NIPA1: variants seen among roughly 807,000 people sequenced by gnomAD.
The protein encoded by NIPA1 is magnesium transporter NIPA1.
In NIPA1, 13 loss-of-function variants were observed where a neutral mutation model predicts 23.9. The observed-to-expected ratio is 0.54, with a 90% CI of 0.35 to 0.87. The LOEUF is 0.87. NIPA1 is among the 40% of genes least tolerant of loss of function. NIPA1 has a pLI of 0.01. For missense variants in NIPA1, 362 were observed against 429.7 expected (o/e 0.84, Z 1.39); for synonymous variants, 234 against 202.9 (o/e 1.15, Z -1.30).
At position 22,793,433 on chromosome 15, in the gene NIPA1, T is replaced by G. The variant is rs1198706182; in HGVS notation, c.178+6599T>G. Among the ~76,000 whole-genome samples, 6 of 151,086 alleles carry G rather than the reference T, an allele frequency of 4.0e-5. No individual in the cohort carries two copies. The South Asian group carries it at 1.3e-3, about 32-fold the overall frequency. ...GTCATTCTGCCCTGCTGTCAAACAT[T>G]AGAGCTTCTTTTTTTTTATTTTTTT... is the stretch of plus-strand genomic sequence containing the variant. On this transcript the variant is annotated intron_variant, in intron 1 of 4. Coordinates refer to ENST00000337435, the MANE Select transcript of NIPA1 (RefSeq NM_144599.5).
At chr15:22,788,849 G>C (rs1894767132) in intron 1 of NIPA1, among the ~76,000 whole-genome samples, 1 of 143,316 alleles carries the variant, frequency 7.0e-6, no homozygotes, top group South Asian at 2.3e-4. Flanking sequence ...AACCCAGGAG[G>C]GGGAGGTTGC....
At chr15:22,812,078 G>A in intron 2 of NIPA1, 85 bp from the exon 3 acceptor site, 1 of 1,027,816 alleles carries the variant, frequency 9.7e-7, no homozygotes. Context: ...CCCTTTCAGG[G>A]CAGAGCCTAG....
chr15:22,811,169 C>A, intron 2 of NIPA1: 2 of 273,460 alleles, frequency 7.3e-6, no homozygotes, highest in Non-Finnish European at 7.1e-6. Flanking sequence ...TGTTAGGCTG[C>A]CTTGTTTTTC....
intron 4 of NIPA1, among the ~76,000 whole-genome samples, 165 bp downstream of exon 4, chr15:22,820,638 T>C (rs1169828946): frequency 6.6e-6 from 1 of 152,218 alleles, no homozygotes; most frequent in Non-Finnish European, 1.5e-5. Flanking sequence ...ATCAGTGGGC[T>C]GTGCTCGCAG....
At chr15:22,793,037 G>A (rs1894864589) in intron 1 of NIPA1, among the ~76,000 whole-genome samples, 1 of 151,952 alleles carries the variant, frequency 6.6e-6, no homozygotes, top group South Asian at 2.1e-4. Flanking sequence ...CTCCAGCCTG[G>A]GCAACGGAGT....
intron 1 of NIPA1, among the ~76,000 whole-genome samples, chr15:22,793,595 C>A (rs1894881206): frequency 6.6e-6 from 1 of 151,794 alleles, no homozygotes; most frequent in Admixed American, 6.6e-5. Flanking sequence ...TGTCCGCCAC[C>A]ATGCCCGGCT....
At position 22,827,351 on chromosome 15, in the gene NIPA1, C is replaced by T. The variant is rs1411118451; in HGVS notation, c.*3112C>T. 6.6e-6 allele frequency: 1 copy of T among 152,188 alleles called. No homozygotes were observed. The highest frequency in any genetic ancestry group is 1.5e-5 in the Non-Finnish European group (1 of 68,044). The allele number at this position is 152,188 out of a possible 1,614,324, so 9.4% of individuals were successfully genotyped here. Reference sequence around the variant, plus strand: ...CCTAACCCAGCACCACAAAGCCCCCCTGGAGCATCTTCCCGGCTGGCAGGA... The same window carrying T: ...CCTAACCCAGCACCACAAAGCCCCCTTGGAGCATCTTCCCGGCTGGCAGGA... On this transcript the variant is annotated 3_prime_UTR_variant, in exon 5 of 5. Coordinates refer to ENST00000337435, the MANE Select transcript of NIPA1 (RefSeq NM_144599.5).
chr15:22,828,308 A>C lies in NIPA1; in HGVS notation c.*4069A>C, dbSNP rs1230863060. ...TTCTGTTAATGTGAGTTGGAAAGAA[A>C]AGACCAATTTGTACACCAGTCACAC... is the stretch of plus-strand genomic sequence containing the variant. On this transcript the variant is annotated 3_prime_UTR_variant, in exon 5 of 5. Coordinates refer to ENST00000337435, the MANE Select transcript of NIPA1 (RefSeq NM_144599.5). 1 of 152,586 alleles carries C rather than the reference A, an allele frequency of 6.6e-6. No individual in the cohort carries two copies. The highest frequency in any genetic ancestry group is 1.5e-5 in the Non-Finnish European group (1 of 68,020). The allele number at this position is 152,586 out of a possible 1,614,324, so 9.5% of individuals were successfully genotyped here.
chr15:22,813,422 T>C (rs1008901930), intron 3 of NIPA1, among the ~76,000 whole-genome samples: 1 of 152,202 alleles, frequency 6.6e-6, no homozygotes, highest in Non-Finnish European at 1.5e-5. Flanking sequence ...ACTGGAGGGC[T>C]GCAAGCCATC....
intron 3 of NIPA1, among the ~76,000 whole-genome samples, chr15:22,812,812 C>T (rs937736161): frequency 1.3e-5 from 2 of 152,162 alleles, no homozygotes; most frequent in African/African-American, 4.8e-5. Context: ...CTGATGCTCT[C>T]ATTCTCCTGG....
chr15:22,812,202 C>A lies in NIPA1; in HGVS notation c.266C>A (p.Ala89Glu). 6.2e-7 allele frequency: 1 copy of A among 1,613,700 alleles called. No homozygotes were observed. The change falls in exon 3 of 5, where the codon GCG becomes GAG. Residue 89 changes from alanine (A) to glutamate (E), a missense_variant. Transcript: ENST00000337435. ...ATTGGAAACTTCCTGGCTTACACGG[C>A]GGTCCCCACGGTCCTGGTAACCCCC... ...GQIGNFLAYT[A>E]VPTVLVTPLG...
intron 1 of NIPA1, among the ~76,000 whole-genome samples, chr15:22,794,684 T>C (rs7174119): frequency 0.69 from 105,402 of 151,798 alleles, 37,236 homozygotes; most frequent in East Asian, 0.91. Flanking sequence ...CTTCCACACT[T>C]GCACTGGCTC....
At chr15:22,798,690 T>C (rs1295843005) in intron 1 of NIPA1, among the ~76,000 whole-genome samples, 2 of 149,668 alleles carry the variant, frequency 1.3e-5, no homozygotes, top group Non-Finnish European at 3.0e-5. Flanking sequence ...CTACTAAAAA[T>C]ACAAAAAATT....
At chr15:22,822,166 A>G (rs182648039) in intron 4 of NIPA1, among the ~76,000 whole-genome samples, 5 of 152,326 alleles carry the variant, frequency 3.3e-5, no homozygotes, top group East Asian at 3.9e-4. Context: ...TCAAAGAACA[A>G]TCCTCCCTCA....
chr15:22,821,404 A>T (rs548240097), intron 4 of NIPA1, among the ~76,000 whole-genome samples: 7 of 152,320 alleles, frequency 4.6e-5, no homozygotes, highest in South Asian at 2.1e-4. Flanking sequence ...AACTGCCTCC[A>T]CATCAGTTTG....
At chr15:22,817,350 T>G (rs1232650298) in intron 3 of NIPA1, among the ~76,000 whole-genome samples, 1 of 142,930 alleles carries the variant, frequency 7.0e-6, no homozygotes. Flanking sequence ...AAATACAAAA[T>G]TAGCCAAGCA....
At chr15:22,805,779 C>T (rs1488581183) in intron 1 of NIPA1, among the ~76,000 whole-genome samples, 2 of 152,188 alleles carry the variant, frequency 1.3e-5, no homozygotes, top group Non-Finnish European at 2.9e-5. Flanking sequence ...TCTTGCTTGG[C>T]TTTTATCAGC....
In NIPA1 at chr15:22,824,338, A is replaced by G; in HGVS notation, c.*99A>G. On this transcript the variant is annotated 3_prime_UTR_variant, in exon 5 of 5. Coordinates refer to ENST00000337435, the MANE Select transcript of NIPA1 (RefSeq NM_144599.5). This position sits in a 1 kb window ranked among gnomAD's most constrained non-coding sequence, Gnocchi z 4.1. ...AGAAGAGGTCCTCGATCATGGTGTTAGAATTGACTGGATAGTAACAGGTGG... is the reference window on the plus strand; with the variant it reads ...AGAAGAGGTCCTCGATCATGGTGTTGGAATTGACTGGATAGTAACAGGTGG... 9.4e-7 allele frequency: 1 copy of G among 1,065,238 alleles called. No homozygotes were observed. The highest frequency in any genetic ancestry group is 1.5e-6 in the Non-Finnish European group (1 of 687,332). 66.0% of individuals were successfully genotyped at this position (1,065,238 alleles called of 1,614,324 possible).
intron 4 of NIPA1, 21 bp from the exon 5 acceptor site, chr15:22,823,707 T>C (rs781163516): frequency 4.0e-5 from 63 of 1,591,828 alleles, no homozygotes; most frequent in Middle Eastern, 1.8e-4. Flanking sequence ...TCCGGGTGAC[T>C]GTGTGCTGTC....
Sources: gnomAD v4.1 joint callset for allele counts (sites outside exome capture counted in the v4.1 genomes callset) on GRCh38, gnomAD v4.1.1 for gene constraint, Gnocchi (gnomAD v3.1) non-coding constraint, MANE v1.5 for transcripts, NCBI Gene and HGNC (gene_info 2026-07-23, HGNC 2026-07-21) for gene names.